Variants in KAZN observed in about 807,000 individuals in gnomAD.
The protein encoded by KAZN is kazrin.
In KAZN, 40 loss-of-function variants were observed where a neutral mutation model predicts 87.4. The observed-to-expected ratio is 0.46, with a 90% CI of 0.36 to 0.60. KAZN has a LOEUF of 0.60. Among genes scored for constraint, KAZN ranks in the 20% least tolerant of loss-of-function variants. The pLI is 0.00. For synonymous variants in KAZN, 466 were observed against 458.3 expected, an observed-to-expected ratio of 1.02 and a Z score of -0.22; for missense variants, 898 against 1,073.9, an observed-to-expected ratio of 0.84 and a Z score of 2.29.
intron 2 of KAZN, among the ~76,000 whole-genome samples, chr1:14,532,348 A>G (rs959099700): frequency 6.6e-6 from 1 of 152,090 alleles, no homozygotes; most frequent in Admixed American, 6.5e-5. Context: ...CATTGGAGAG[A>G]TGATAAAATT....
chr1:14,049,363 G>A (rs564418669), intron 1 of KAZN, among the ~76,000 whole-genome samples: 2 of 152,270 alleles, frequency 1.3e-5, no homozygotes, highest in South Asian at 4.2e-4. Flanking sequence ...TATACCTAAT[G>A]TTAAATGACA....
intron 1 of KAZN, among the ~76,000 whole-genome samples, chr1:14,829,386 G>A (rs937505699): frequency 2.0e-5 from 3 of 152,202 alleles, no homozygotes; most frequent in Admixed American, 2.0e-4. Flanking sequence ...ACTTTCTCGG[G>A]AAAGTGACAG....
chr1:14,287,363 T>C (rs1571225511), intron 2 of KAZN, among the ~76,000 whole-genome samples: 1 of 152,210 alleles, frequency 6.6e-6, no homozygotes, highest in South Asian at 2.1e-4. Context: ...AGCAGAAACC[T>C]GGGCATAATG....
At chr1:14,015,491 TTTTTTTG>T in intron 1 of KAZN, among the ~76,000 whole-genome samples, 2 of 48,216 alleles carry the variant, frequency 4.1e-5, no homozygotes, top group African/African-American at 1.7e-4. Flanking sequence ...TTTTTTTTTT[TTTTTTTG>T]AGATGGAGTT....
chr1:14,476,494 A>C (rs1156635965), intron 2 of KAZN, among the ~76,000 whole-genome samples: 1 of 152,176 alleles, frequency 6.6e-6, no homozygotes, highest in African/African-American at 2.4e-5. Context: ...AGATCGTGGG[A>C]TTTCTATCAG....
At chr1:14,873,418 T>A (rs772258032) in intron 1 of KAZN, among the ~76,000 whole-genome samples, 2 of 152,210 alleles carry the variant, frequency 1.3e-5, no homozygotes, top group Admixed American at 6.5e-5. Flanking sequence ...GGGCTGCTGT[T>A]TCACATAGGG....
chr1:14,206,650 T>A (rs471778), intron 2 of KAZN, among the ~76,000 whole-genome samples: 3 of 152,146 alleles, frequency 2.0e-5, no homozygotes, highest in Non-Finnish European at 4.4e-5. Context: ...ATAATTTTCC[T>A]TTTATGTATA....
At chr1:14,190,483 TCTTTA>T (rs1352948100) in intron 2 of KAZN, among the ~76,000 whole-genome samples, 4 of 152,246 alleles carry the variant, frequency 2.6e-5, no homozygotes, top group South Asian at 4.1e-4. Context: ...TGGCTGTCAT[TCTTTA>T]CTTTCTTTCT....
intron 2 of KAZN, among the ~76,000 whole-genome samples, chr1:14,199,294 C>T (rs1646591180): frequency 6.6e-6 from 1 of 152,156 alleles, no homozygotes; most frequent in African/African-American, 2.4e-5. Context: ...CTTTTCTGCC[C>T]AGTCAGGCAG....
At chr1:14,682,000 T>C (rs1369625694) in intron 1 of KAZN, among the ~76,000 whole-genome samples, 6 of 151,988 alleles carry the variant, frequency 3.9e-5, no homozygotes, top group Non-Finnish European at 8.8e-5. Flanking sequence ...TTAACTATTT[T>C]TAAATGTATT....
chr1:14,803,111 T>A (rs1275824388), intron 1 of KAZN, among the ~76,000 whole-genome samples: 1 of 152,236 alleles, frequency 6.6e-6, no homozygotes, highest in African/African-American at 2.4e-5. Flanking sequence ...TACTACATCA[T>A]GGCTACCGTT....
At chr1:14,014,392 GTC>G (rs1171853658) in intron 1 of KAZN, among the ~76,000 whole-genome samples, 1 of 152,052 alleles carries the variant, frequency 6.6e-6, no homozygotes, top group African/African-American at 2.4e-5. Flanking sequence ...GGGTGAGGAT[GTC>G]CAGCTGTCCC....
At chr1:13,988,318 A>ATTTATTTATATAAAT (rs1639117933) in intron 1 of KAZN, among the ~76,000 whole-genome samples, 1 of 152,208 alleles carries the variant, frequency 6.6e-6, no homozygotes, top group Non-Finnish European at 1.5e-5. Flanking sequence ...TAGTCGGGGT[A>ATTTATTTATATAAAT]AATAATGTTA....
intron 2 of KAZN, among the ~76,000 whole-genome samples, chr1:15,030,526 G>T (rs768269135): frequency 6.6e-6 from 1 of 152,180 alleles, no homozygotes; most frequent in Non-Finnish European, 1.5e-5. Context: ...CTCTCAAAGT[G>T]CTGGGATTAC....
intron 2 of KAZN, among the ~76,000 whole-genome samples, chr1:14,538,043 C>T (rs1438206489): frequency 6.6e-6 from 1 of 152,172 alleles, no homozygotes; most frequent in African/African-American, 2.4e-5. Context: ...ACATTGAACC[C>T]TCTGCTATGC....
intron 1 of KAZN, among the ~76,000 whole-genome samples, chr1:14,841,615 C>T (rs1648028612): frequency 6.6e-6 from 1 of 152,158 alleles, no homozygotes; most frequent in Non-Finnish European, 1.5e-5. Context: ...ATACACCCCT[C>T]CCTTCCCAGC....
chr1:14,094,469 TATTG>T (rs1644081692), intron 1 of KAZN, among the ~76,000 whole-genome samples: 1 of 152,228 alleles, frequency 6.6e-6, no homozygotes, highest in African/African-American at 2.4e-5. Context: ...AATGCCTAAT[TATTG>T]ATTAATATGT....
chr1:14,184,509 G>C lies in KAZN; in HGVS notation c.249+3917G>C, dbSNP rs1456966732. 6.6e-6 allele frequency among the ~76,000 whole-genome samples: 1 copy of C among 152,180 alleles called. No homozygotes were observed. Among genetic ancestry groups the C allele is most frequent in the Non-Finnish European group, 1.5e-5 (1 of 68,028 alleles). ...GCCTATATTCCCCCTTGCCAAGCAA[G>C]AGCGGAAGCAGCAGCAGGAGGGAAA... On this transcript the variant is annotated intron_variant, in intron 2 of 16. Coordinates refer to the KAZN transcript ENST00000636203. The surrounding 1 kb of genome is among the most constrained non-coding windows in gnomAD (Gnocchi z 4.2).
Position 14,390,287 on chromosome 1 carries a change from C to G in KAZN, c.250-208696C>G, listed in dbSNP as rs116254104. ...TTGTACATCTGGAGCTTATAGTCTA[C>G]TGGAAAAGACAGAAAATAAGATTAA... On this transcript the variant is annotated intron_variant, in intron 2 of 16. Transcript: ENST00000636203. 2.9e-3 allele frequency among the ~76,000 whole-genome samples: 442 copies of G among 152,164 alleles called. 1 individual carries two copies. Among genetic ancestry groups the G allele is most frequent in the African/African-American group, 9.7e-3 (401 of 41,504 alleles).
Sources: gnomAD v4.1 joint callset for allele counts (sites outside exome capture counted in the v4.1 genomes callset) on GRCh38, gnomAD v4.1.1 for gene constraint, Gnocchi (gnomAD v3.1) non-coding constraint, MANE v1.5 for transcripts, NCBI Gene and HGNC (gene_info 2026-07-23, HGNC 2026-07-21) for gene names.